GPC5: variants seen among roughly 807,000 people sequenced by gnomAD.
The protein encoded by GPC5 is glypican-5.
Under a neutral mutation model 53.9 loss-of-function variants are expected in GPC5, and 47 were observed. The observed-to-expected ratio is 0.87, with a 90% CI of 0.69 to 1.11. GPC5 has a LOEUF of 1.11. GPC5 is among the 50% of genes most tolerant of loss of function. GPC5 has a pLI of 0.00. For missense variants in GPC5, 748 were observed against 713.1 expected, an observed-to-expected ratio of 1.05 and a Z score of -0.56; for synonymous variants, 286 against 263.3, an observed-to-expected ratio of 1.09 and a Z score of -0.84.
intron 2 of GPC5, among the ~76,000 whole-genome samples, chr13:91,513,776 A>G (rs181062473): frequency 1.4e-4 from 22 of 152,184 alleles, no homozygotes; most frequent in Admixed American, 1.4e-3. Context: ...GAACACCCCT[A>G]CAAGGGTCAC....
At chr13:91,577,041 T>C (rs1268828842) in intron 2 of GPC5, among the ~76,000 whole-genome samples, 1 of 152,192 alleles carries the variant, frequency 6.6e-6, no homozygotes, top group East Asian at 1.9e-4. Flanking sequence ...CTCTACTCCT[T>C]ACTCATTTTT....
intron 2 of GPC5, among the ~76,000 whole-genome samples, chr13:91,509,918 A>G (rs921621934): frequency 6.6e-6 from 1 of 152,102 alleles, no homozygotes; most frequent in Non-Finnish European, 1.5e-5. Context: ...CCTGGTAATA[A>G]ATGTCATTAC....
intron 2 of GPC5, among the ~76,000 whole-genome samples, chr13:91,620,370 T>G (rs2033820282): frequency 6.6e-6 from 1 of 152,130 alleles, no homozygotes; most frequent in African/African-American, 2.4e-5. Context: ...CTTTTACTGT[T>G]GTATTGAATT....
intron 2 of GPC5, among the ~76,000 whole-genome samples, chr13:91,572,278 T>C (rs1285647624): frequency 6.6e-6 from 1 of 151,476 alleles, no homozygotes; most frequent in Admixed American, 6.6e-5. Context: ...CATGTGTATA[T>C]ATGTATGTGT....
intron 5 of GPC5, among the ~76,000 whole-genome samples, chr13:91,850,645 G>C (rs543231528): frequency 2.0e-4 from 30 of 151,774 alleles, no homozygotes; most frequent in Non-Finnish European, 3.7e-4. Flanking sequence ...TATAGAATTA[G>C]GTCCTCTTCC....
At chr13:92,052,261 C>T (rs767515765) in intron 6 of GPC5, among the ~76,000 whole-genome samples, 14 of 152,136 alleles carry the variant, frequency 9.2e-5, no homozygotes, top group East Asian at 1.9e-4. Context: ...GTAGTGTGCC[C>T]GGGGTTGGTT....
chr13:92,040,931 A>G (rs1440629929), intron 6 of GPC5, among the ~76,000 whole-genome samples: 2 of 151,994 alleles, frequency 1.3e-5, no homozygotes, highest in African/African-American at 4.8e-5. Context: ...GCTCACTGCA[A>G]CCTCCACCTC....
intron 6 of GPC5, among the ~76,000 whole-genome samples, chr13:92,132,259 G>A (rs1009464761): frequency 1.3e-5 from 2 of 152,136 alleles, no homozygotes; most frequent in Admixed American, 1.3e-4. Flanking sequence ...ATGGTCACAT[G>A]ACTGAGACTA....
At chr13:91,934,715 T>G (rs2039854103) in intron 6 of GPC5, among the ~76,000 whole-genome samples, 1 of 151,960 alleles carries the variant, frequency 6.6e-6, no homozygotes, top group Non-Finnish European at 1.5e-5. Flanking sequence ...ACTGTTCCTT[T>G]ACTAGGAATA....
intron 5 of GPC5, among the ~76,000 whole-genome samples, chr13:91,771,814 T>A (rs1161555315): frequency 6.6e-6 from 1 of 152,218 alleles, no homozygotes; most frequent in Non-Finnish European, 1.5e-5. Flanking sequence ...AAAGATATGA[T>A]ATCTTACTTC....
intron 6 of GPC5, among the ~76,000 whole-genome samples, chr13:91,961,324 G>T (rs546654444): frequency 1.3e-5 from 2 of 151,972 alleles, no homozygotes; most frequent in African/African-American, 2.4e-5. Flanking sequence ...AATTTAAAAA[G>T]ATATTGTGAT....
At chr13:92,182,941 G>A (rs1266589594) in intron 7 of GPC5, among the ~76,000 whole-genome samples, 1 of 152,096 alleles carries the variant, frequency 6.6e-6, no homozygotes, top group Non-Finnish European at 1.5e-5. Context: ...TGAAACAAAG[G>A]TGGCAGAAGA....
chr13:91,512,566 G>C (rs1483014959), intron 2 of GPC5, among the ~76,000 whole-genome samples: 1 of 152,244 alleles, frequency 6.6e-6, no homozygotes, highest in Non-Finnish European at 1.5e-5. Context: ...CACACCTCGA[G>C]GTGGGTCACT....
intron 1 of GPC5, among the ~76,000 whole-genome samples, chr13:91,419,412 G>T (rs534160543): frequency 6.6e-6 from 1 of 152,108 alleles, no homozygotes; most frequent in Non-Finnish European, 1.5e-5. Flanking sequence ...GCAGAATAAC[G>T]CCTCAACACT....
At chr13:92,855,054 G>A (rs1310618912) in intron 7 of GPC5, among the ~76,000 whole-genome samples, 1 of 151,894 alleles carries the variant, frequency 6.6e-6, no homozygotes, top group African/African-American at 2.4e-5. Context: ...GCATATAAAT[G>A]CAAATGACTA....
intron 7 of GPC5, among the ~76,000 whole-genome samples, chr13:92,771,146 G>C (rs1001037318): frequency 6.6e-6 from 1 of 152,052 alleles, no homozygotes; most frequent in Non-Finnish European, 1.5e-5. Flanking sequence ...ATTACAGCCT[G>C]TCAGGGATAA....
intron 7 of GPC5, among the ~76,000 whole-genome samples, chr13:92,322,262 TG>T (rs1401159935): frequency 2.1e-5 from 3 of 141,936 alleles, no homozygotes; most frequent in African/African-American, 8.8e-5. Flanking sequence ...ACCAAGTAGA[TG>T]GTGAATGGGG....
At chr13:92,788,639 A>G (rs1188549813) in intron 7 of GPC5, among the ~76,000 whole-genome samples, 1 of 152,178 alleles carries the variant, frequency 6.6e-6, no homozygotes, top group East Asian at 1.9e-4. Flanking sequence ...CTTTTTCAAT[A>G]ATTTTCAATG....
At chr13:92,274,425 A>G (rs906900345) in intron 7 of GPC5, among the ~76,000 whole-genome samples, 2 of 152,112 alleles carry the variant, frequency 1.3e-5, no homozygotes, top group African/African-American at 4.8e-5. Flanking sequence ...TGAGGCATGC[A>G]AACATACCAC....
Sources: allele counts gnomAD v4.1 joint callset (sites outside exome capture counted in the v4.1 genomes callset), GRCh38; gene constraint gnomAD v4.1.1; transcripts MANE v1.5; gene names NCBI Gene and HGNC (gene_info 2026-07-23, HGNC 2026-07-21).